The following MYLK variants were observed in gnomAD, a reference collection of about 807,000 sequenced individuals.
MYLK encodes the protein myosin light chain kinase, smooth muscle.
A neutral mutation model predicts 203.4 loss-of-function variants in MYLK; 106 were observed. The observed-to-expected ratio is 0.52, with a 90% CI of 0.45 to 0.61. MYLK has a LOEUF of 0.61. MYLK is among the 20% of genes least tolerant of loss of function. The pLI is 0.00. For missense variants in MYLK, 2,072 were observed against 2,442.3 expected (o/e 0.85, Z 3.20); for synonymous variants, 867 against 959.5 (o/e 0.90, Z 1.78).
rs60013822 is a variant in MYLK, at chr3:123,855,118, T to C, written c.-127+21441A>G. On this transcript the variant is annotated intron_variant, in intron 2 of 33. Coordinates refer to ENST00000360304, the MANE Select transcript of MYLK (RefSeq NM_053025.4). ...TCAAAGTATTAGGAGACACTTTTGT[T>C]CTGAGAACTCATGTTGTTACTCAAT... Among the ~76,000 whole-genome samples, 872 of 151,186 alleles carry C rather than the reference T, an allele frequency of 5.8e-3. 9 individuals carry two copies. The highest frequency in any genetic ancestry group is 0.02 in the African/African-American group (824 of 41,158).
At chr3:123,757,384 G>A (rs2063390406) in intron 4 of MYLK, among the ~76,000 whole-genome samples, 1 of 152,178 alleles carries the variant, frequency 6.6e-6, no homozygotes, top group African/African-American at 2.4e-5. Context: ...TCTGCCGCAT[G>A]TCTTTTTTGT....
In MYLK at chr3:123,738,875, T is replaced by C. The variant is rs554416726; in HGVS notation, c.588+22A>G. ...CAGACTAATACAGGCTGGATCAGGGTCAGGGCAGACAGAAACCTCACCTTG... is the reference window on the plus strand; with the variant it reads ...CAGACTAATACAGGCTGGATCAGGGCCAGGGCAGACAGAAACCTCACCTTG... On this transcript the variant is annotated intron_variant, in intron 7 of 33. Coordinates refer to ENST00000360304, the MANE Select transcript of MYLK (RefSeq NM_053025.4). 1.9e-6 allele frequency: 3 copies of C among 1,600,282 alleles called. No homozygotes were observed. In the Admixed American group the frequency reaches 5.1e-5, roughly 27 times the overall value.
intron 16 of MYLK, among the ~76,000 whole-genome samples, chr3:123,705,616 A>G (rs1400817594): frequency 5.9e-5 from 9 of 152,124 alleles, no homozygotes; most frequent in Non-Finnish European, 1.2e-4. Context: ...CTGCTGGGAC[A>G]GTCTAAATTT....
intron 24 of MYLK, among the ~76,000 whole-genome samples, chr3:123,656,119 G>A (rs894727829): frequency 4.6e-5 from 7 of 152,160 alleles, no homozygotes; most frequent in Non-Finnish European, 1.0e-4. Flanking sequence ...GCTGACTGCA[G>A]TCTCATCTCC....
At position 123,664,121 on chromosome 3, in the gene MYLK, G is replaced by A. The variant is rs192100022; in HGVS notation, c.3969C>T (p.Val1323=). 36 of 1,614,046 alleles carry A rather than the reference G, an allele frequency of 2.2e-5. No homozygotes were observed. The African/African-American group carries it at 4.7e-4, about 21-fold the overall frequency. The change falls in exon 23 of 34, where the codon GTC becomes GTT. Residue 1323 remains valine, a synonymous_variant. Transcript: ENST00000360304. The stretch of plus-strand genomic sequence containing the variant: ...CAGACTCACCCACGACAGTGAGGTT[G>A]ACCTGGGCCTGCCTGCTGCCCAGCT... The part of the protein sequence containing the change: ...ENKLGSRQAQ[V]NLTVVDKPDP...
intron 29 of MYLK, among the ~76,000 whole-genome samples, chr3:123,637,688 G>A (rs1048361583): frequency 2.7e-4 from 41 of 152,150 alleles, no homozygotes; most frequent in African/African-American, 9.4e-4. Context: ...GATGCCCAGA[G>A]ATTCGCCCCT....
chr3:123,776,166 TG>T (rs1363825670), intron 4 of MYLK, among the ~76,000 whole-genome samples: 1 of 152,168 alleles, frequency 6.6e-6, no homozygotes, highest in Non-Finnish European at 1.5e-5. Flanking sequence ...AGATACAGAC[TG>T]AGGTCTACTG....
chr3:123,742,409 A>G (rs2062880673), intron 5 of MYLK, among the ~76,000 whole-genome samples: 3 of 152,204 alleles, frequency 2.0e-5, no homozygotes, highest in South Asian at 4.1e-4. Context: ...CATGTTATTA[A>G]TACTGATTAT....
chr3:123,838,970 C>A (rs1164624250), intron 2 of MYLK, among the ~76,000 whole-genome samples: 2 of 152,118 alleles, frequency 1.3e-5, no homozygotes, highest in Non-Finnish European at 2.9e-5. Flanking sequence ...CGGCACGTGC[C>A]TGTAGTCCCA....
At chr3:123,618,468 G>T in intron 33 of MYLK, 171 bp downstream of exon 33, 2 of 788,144 alleles carry the variant, frequency 2.5e-6, no homozygotes, top group Non-Finnish European at 4.2e-6. Context: ...TGGGAGTGCA[G>T]GGCATAGCCC....
At chr3:123,688,557 C>T (rs1177104563) in intron 19 of MYLK, among the ~76,000 whole-genome samples, 13 of 152,126 alleles carry the variant, frequency 8.5e-5, no homozygotes, top group Admixed American at 8.5e-4. Context: ...CATGAGTGAT[C>T]CTTCATAAAT....
intron 19 of MYLK, 126 bp from the exon 20 acceptor site, chr3:123,682,436 G>C: frequency 3.9e-6 from 3 of 769,634 alleles, no homozygotes; most frequent in Non-Finnish European, 6.7e-6. Flanking sequence ...GTGCCCGCTG[G>C]GCAGAACAGC....
chr3:123,695,363 T>G (rs1484639587), intron 18 of MYLK, among the ~76,000 whole-genome samples: 1 of 152,192 alleles, frequency 6.6e-6, no homozygotes, highest in South Asian at 2.1e-4. Flanking sequence ...CCACACCAGC[T>G]CTCAGAGGGC....
intron 27 of MYLK, chr3:123,646,828 C>A: frequency 4.5e-6 from 1 of 220,826 alleles, no homozygotes. Context: ...TTATCTTTCA[C>A]AGGGAAGTCA....
intron 16 of MYLK, 26 bp from the exon 17 acceptor site, chr3:123,701,535 G>C: frequency 6.2e-7 from 1 of 1,611,442 alleles, no homozygotes. Flanking sequence ...GATCAATAAA[G>C]ATCAAGAGGC....
chr3:123,877,388 G>T (rs1016451463), intron 1 of MYLK, among the ~76,000 whole-genome samples: 3 of 152,172 alleles, frequency 2.0e-5, no homozygotes, highest in Non-Finnish European at 4.4e-5. Flanking sequence ...ATGTATTTGG[G>T]CTACAGAGAA....
intron 29 of MYLK, among the ~76,000 whole-genome samples, chr3:123,632,928 T>C (rs1176582102): frequency 2.0e-5 from 3 of 151,686 alleles, no homozygotes; most frequent in African/African-American, 7.3e-5. Context: ...CCTGAGTAGC[T>C]GGAACCACAG....
intron 27 of MYLK, among the ~76,000 whole-genome samples, chr3:123,641,262 G>T (rs1304878291): frequency 6.6e-6 from 1 of 152,154 alleles, no homozygotes; most frequent in Admixed American, 6.5e-5. Flanking sequence ...TCAGCATATT[G>T]CCCTTCAGTG....
intron 4 of MYLK, among the ~76,000 whole-genome samples, chr3:123,775,183 C>T (rs1576930266): frequency 1.3e-5 from 2 of 152,194 alleles, no homozygotes; most frequent in South Asian, 4.2e-4. Flanking sequence ...CCACCATGCC[C>T]AGCTAATTTT....
Sources: gnomAD v4.1 joint callset for allele counts (sites outside exome capture counted in the v4.1 genomes callset) on GRCh38, gnomAD v4.1.1 for gene constraint, MANE v1.5 for transcripts, NCBI Gene and HGNC (gene_info 2026-07-23, HGNC 2026-07-21) for gene names.